KSR1: variants seen among roughly 807,000 people sequenced by gnomAD.
KSR1 encodes kinase suppressor of ras.
A neutral mutation model predicts 92.9 loss-of-function variants in KSR1; 35 were observed. The observed-to-expected ratio is 0.38, with a 90% CI of 0.29 to 0.50. The LOEUF is 0.50. KSR1 is among the 20% of genes least tolerant of loss of function. The pLI is 0.94. For missense variants in KSR1, 972 were observed against 1,158.5 expected (o/e 0.84, Z 2.34); for synonymous variants, 467 against 472.6 (o/e 0.99, Z 0.15).
At chr17:27,529,791 C>T (rs1414500902) in intron 1 of KSR1, among the ~76,000 whole-genome samples, 3 of 152,206 alleles carry the variant, frequency 2.0e-5, no homozygotes, top group Non-Finnish European at 4.4e-5. Flanking sequence ...TCCCGACACC[C>T]GTCTTTTCTC....
At chr17:27,501,986 A>G (rs1206847322) in intron 1 of KSR1, among the ~76,000 whole-genome samples, 1 of 152,244 alleles carries the variant, frequency 6.6e-6, no homozygotes, top group Non-Finnish European at 1.5e-5. Flanking sequence ...GTTGTCCCTC[A>G]GGTGGACTGT....
chr17:27,549,658 G>T (rs868476636), intron 1 of KSR1, among the ~76,000 whole-genome samples: 5 of 152,174 alleles, frequency 3.3e-5, no homozygotes, highest in African/African-American at 7.2e-5. Context: ...ACATTTCAGG[G>T]TGTGGATCCC....
chr17:27,525,207 T>C (rs1314396678), intron 1 of KSR1, among the ~76,000 whole-genome samples: 3 of 152,244 alleles, frequency 2.0e-5, no homozygotes, highest in Non-Finnish European at 4.4e-5. Context: ...TCTTACTTAC[T>C]GTGTGAACTT....
intron 2 of KSR1, chr17:27,566,642 T>A: frequency 5.0e-6 from 2 of 398,570 alleles, no homozygotes; most frequent in Non-Finnish European, 8.8e-6. Flanking sequence ...TTTGCTAGAC[T>A]CTGAGTCCCT....
intron 1 of KSR1, among the ~76,000 whole-genome samples, chr17:27,506,230 C>G (rs1231794841): frequency 6.6e-6 from 1 of 152,188 alleles, no homozygotes; most frequent in East Asian, 1.9e-4. Flanking sequence ...GGCTTTGGCT[C>G]AGTGTGGCCT....
Position 27,577,924 on chromosome 17 carries a change from G to A in KSR1, c.520+285G>A, listed in dbSNP as rs1252150941. ...GCTGGCCTGGCATGGTTTCCTCTCT[G>A]TTGAGGGCTCTGTGTACCCTCTGCC... On this transcript the variant is annotated intron_variant, in intron 3 of 20. Transcript: ENST00000644974. This position sits in a 1 kb window ranked among gnomAD's most constrained non-coding sequence, Gnocchi z 4.5. The A allele has an allele frequency of 9.1e-6, 5 of 546,992 alleles. No individual in the cohort carries two copies. Among genetic ancestry groups the A allele is most frequent in the Non-Finnish European group, 1.3e-5 (4 of 300,742 alleles). 33.9% of individuals were successfully genotyped at this position (546,992 alleles called of 1,614,324 possible). A position where few individuals can be genotyped will look rare whatever the true frequency, so the allele number is the denominator to read the frequency against.
intron 2 of KSR1, among the ~76,000 whole-genome samples, chr17:27,576,010 T>C (rs1332651984): frequency 6.6e-6 from 1 of 152,200 alleles, no homozygotes; most frequent in Non-Finnish European, 1.5e-5. Context: ...GCAGAATCCA[T>C]TTCCTTGTGG....
chr17:27,565,143 C>T (rs947298070), intron 2 of KSR1, among the ~76,000 whole-genome samples: 1 of 152,186 alleles, frequency 6.6e-6, no homozygotes, highest in African/African-American at 2.4e-5. Flanking sequence ...TAACAGCTCC[C>T]ATTTATTATG....
chr17:27,522,200 A>T (rs1213505426), intron 1 of KSR1, among the ~76,000 whole-genome samples: 1 of 152,198 alleles, frequency 6.6e-6, no homozygotes, highest in African/African-American at 2.4e-5. Flanking sequence ...GGTCAAGGCA[A>T]CTACCCTTTG....
intron 1 of KSR1, among the ~76,000 whole-genome samples, chr17:27,506,841 A>T (rs2069404319): frequency 6.6e-6 from 1 of 152,028 alleles, no homozygotes; most frequent in South Asian, 2.1e-4. Context: ...TAGCCTGACA[A>T]ACAGGTATTT....
intron 1 of KSR1, among the ~76,000 whole-genome samples, chr17:27,460,110 G>A (rs1435299960): frequency 6.6e-6 from 1 of 152,258 alleles, no homozygotes; most frequent in East Asian, 1.9e-4. Flanking sequence ...CTGGTGTTCT[G>A]TCTCCGCTAG....
intron 1 of KSR1, among the ~76,000 whole-genome samples, chr17:27,542,494 A>G (rs780422585): frequency 6.6e-6 from 1 of 152,236 alleles, no homozygotes; most frequent in Non-Finnish European, 1.5e-5. Context: ...AGGCCTTGGC[A>G]TCTGGCTGCT....
At chr17:27,534,133 C>T (rs2070664220) in intron 1 of KSR1, among the ~76,000 whole-genome samples, 1 of 152,204 alleles carries the variant, frequency 6.6e-6, no homozygotes, top group African/African-American at 2.4e-5. Context: ...CTCAGAGGTT[C>T]GTGTTGCACA....
At chr17:27,615,000 C>T (rs2074018974) in intron 18 of KSR1, among the ~76,000 whole-genome samples, 1 of 152,326 alleles carries the variant, frequency 6.6e-6, no homozygotes, top group African/African-American at 2.4e-5. Context: ...TATAGTTCAC[C>T]ACCAGGCACT....
rs55842988 is a variant in KSR1, at chr17:27,617,451, A to G, written c.2627+23A>G. ...TGAGTAAGTGCCTCTTCCATGAGCC[A>G]GACTGCCAGCCAGGCCCTCGCAGCC... On this transcript the variant is annotated intron_variant, in intron 19 of 20. Coordinates refer to ENST00000644974, the MANE Select transcript of KSR1 (RefSeq NM_001394583.1). The G allele has an allele frequency of 6.3e-3, 9,947 of 1,591,436 alleles. 43 individuals are homozygous for G. Among genetic ancestry groups the G allele is most frequent in the Non-Finnish European group, 7.7e-3 (8,917 of 1,162,008 alleles).
intron 1 of KSR1, chr17:27,483,777 C>G (rs2068584157): frequency 1.3e-5 from 2 of 152,310 alleles, no homozygotes; most frequent in Admixed American, 1.3e-4. Context: ...TGCCGTGAGC[C>G]TTGGCTGCTG....
Position 27,550,708 on chromosome 17 carries a change from G to T in KSR1, c.372G>T (p.Gln124His), listed in dbSNP as rs2071365882. Reference protein sequence around the residue: ...YTFNVRPEVVQEIPRDLTLDA... With the variant: ...YTFNVRPEVVHEIPRDLTLDA... Reference sequence around the variant, plus strand: ...TCAACGTGAGGCCGGAGGTGGTGCAGGTATGCAAGCTGGTTCTCAGCATAG... The same window carrying T: ...TCAACGTGAGGCCGGAGGTGGTGCATGTATGCAAGCTGGTTCTCAGCATAG... Residue 124 changes from glutamine (Q) to histidine (H), a missense_variant and splice_region_variant, in exon 2 of 21, where the codon CAG becomes CAT. Physicochemically the swap from Gln to His is conservative, Grantham distance 24. Transcript: ENST00000644974. The T allele has an allele frequency of 1.3e-6, 1 of 762,656 alleles. No individual in the cohort carries two copies. Among genetic ancestry groups the T allele is most frequent in the African/African-American group, 1.7e-5 (1 of 59,048 alleles). 47.2% of individuals were successfully genotyped at this position (762,656 alleles called of 1,614,324 possible).
chr17:27,518,342 G>A (rs1378635150), intron 1 of KSR1, among the ~76,000 whole-genome samples: 1 of 152,212 alleles, frequency 6.6e-6, no homozygotes, highest in Admixed American at 6.5e-5. Flanking sequence ...GGGTGGAGTA[G>A]CTGCACTTGT....
At position 27,617,321 on chromosome 17, in the gene KSR1, C is replaced by G. The variant is rs765576662; in HGVS notation, c.2520C>G (p.Phe840Leu). 6 of 1,610,584 alleles carry G rather than the reference C, an allele frequency of 3.7e-6. No homozygotes were observed. The East Asian group carries it at 1.3e-4, about 36-fold the overall frequency. The change falls in exon 19 of 21, where the codon TTC (phenylalanine) becomes TTG (leucine). Residue 840 changes from phenylalanine (F) to leucine (L), a missense_variant. Physicochemically the swap from Phe to Leu is conservative, Grantham distance 22. Coordinates refer to ENST00000644974, the MANE Select transcript of KSR1 (RefSeq NM_001394583.1). ...AGATCCTGTCGGCCTGCTGGGCTTT[C>G]GACCTGCAGGAGAGACCCAGCTTCA... ...VSEILSACWA[F>L]DLQERPSFSL...
Sources: allele counts gnomAD v4.1 joint callset (sites outside exome capture counted in the v4.1 genomes callset), GRCh38; gene constraint gnomAD v4.1.1; non-coding constraint Gnocchi (gnomAD v3.1); transcripts MANE v1.5; gene names NCBI Gene and HGNC (gene_info 2026-07-23, HGNC 2026-07-21).